CCDC102B: variants seen among roughly 807,000 people sequenced by gnomAD.
The protein encoded by CCDC102B is coiled-coil domain-containing protein 102B.
A neutral mutation model predicts 57.4 loss-of-function variants in CCDC102B; 75 were observed. The observed-to-expected ratio is 1.31, with a 90% CI of 1.08 to 1.58. CCDC102B has a LOEUF of 1.58. Ranked by LOEUF, CCDC102B falls within the 40% of genes most tolerant of loss-of-function variation. The pLI, the probability that CCDC102B is intolerant of heterozygous loss-of-function variation, is 0.00. For synonymous variants in CCDC102B, 206 were observed against 201.9 expected (o/e 1.02, Z -0.17); for missense variants, 636 against 582.6 (o/e 1.09, Z -0.94).
chr18:68,823,113 C>T (rs1313727239), intron 1 of CCDC102B, among the ~76,000 whole-genome samples: 2 of 152,168 alleles, frequency 1.3e-5, no homozygotes, highest in Non-Finnish European at 2.9e-5. Context: ...TGGGCCAAGC[C>T]TCCACTTCAG....
chr18:68,786,623 CTGTT>C (rs2035222914), intron 2 of CCDC102B, among the ~76,000 whole-genome samples: 1 of 139,178 alleles, frequency 7.2e-6, no homozygotes, highest in Non-Finnish European at 1.5e-5. Flanking sequence ...ATTTGGCTCT[CTGTT>C]TGTCTGTTAT....
At chr18:68,751,212 C>T (rs972492688) in intron 2 of CCDC102B, among the ~76,000 whole-genome samples, 1 of 152,028 alleles carries the variant, frequency 6.6e-6, no homozygotes, top group Non-Finnish European at 1.5e-5. Context: ...AATACTGAAC[C>T]ATTGTTCCTA....
At chr18:68,771,417 G>A (rs1476245495) in intron 2 of CCDC102B, among the ~76,000 whole-genome samples, 1 of 152,188 alleles carries the variant, frequency 6.6e-6, no homozygotes, top group African/African-American at 2.4e-5. Context: ...GGGACGTAGT[G>A]TGTCAGGGTG....
In CCDC102B at chr18:68,723,595, C is replaced by G. The variant is rs146574346; in HGVS notation, c.-67+7001C>G. On this transcript the variant is annotated intron_variant, in intron 2 of 3. Transcript: ENST00000578970. Reference sequence around the variant, plus strand: ...GGCCCCATGCAAGTCCGAAATCCAACAGGGCAGTCATTAAACCTTAAAGTT... The same window carrying G: ...GGCCCCATGCAAGTCCGAAATCCAAGAGGGCAGTCATTAAACCTTAAAGTT... Among the ~76,000 whole-genome samples the G allele has an allele frequency of 1.1e-4, 16 of 152,332 alleles. No individual in the cohort carries two copies. In the East Asian group the frequency reaches 3.1e-3, roughly 29 times the overall value.
chr18:68,722,740 G>A (rs953541504), intron 2 of CCDC102B, among the ~76,000 whole-genome samples: 2 of 152,106 alleles, frequency 1.3e-5, no homozygotes, highest in Admixed American at 6.5e-5. Flanking sequence ...AATACAAACT[G>A]CTTCTTCTCA....
At chr18:68,738,153 G>T (rs1021885076) in intron 2 of CCDC102B, among the ~76,000 whole-genome samples, 2 of 152,116 alleles carry the variant, frequency 1.3e-5, no homozygotes, top group Non-Finnish European at 2.9e-5. Context: ...CTTGCATGCT[G>T]TGGGAGGAGG....
chr18:69,027,944 A>T (rs1164355869), intron 7 of CCDC102B, among the ~76,000 whole-genome samples: 3 of 152,194 alleles, frequency 2.0e-5, no homozygotes, highest in Non-Finnish European at 4.4e-5. Flanking sequence ...CTGAGCCCTT[A>T]CTGTGTCCCA....
intron 6 of CCDC102B, among the ~76,000 whole-genome samples, chr18:68,994,888 G>A (rs2050980119): frequency 6.6e-6 from 1 of 152,210 alleles, no homozygotes; most frequent in African/African-American, 2.4e-5. Flanking sequence ...AATGTGGAAG[G>A]AACGTTGGAA....
chr18:68,901,482 AG>A (rs1349599212), intron 6 of CCDC102B, among the ~76,000 whole-genome samples: 1 of 152,128 alleles, frequency 6.6e-6, no homozygotes, highest in Non-Finnish European at 1.5e-5. Flanking sequence ...CATGGACAGA[AG>A]GGGGGCCAAG....
In CCDC102B at chr18:68,807,654, A is replaced by G. The variant is rs550473633; in HGVS notation, c.-16+9473A>G. ...CTTTTGAGAAATACAAACACTGAGTATTCACTTCCTGTTATTTTGACATTT... is the reference window on the plus strand; with the variant it reads ...CTTTTGAGAAATACAAACACTGAGTGTTCACTTCCTGTTATTTTGACATTT... On this transcript the variant is annotated intron_variant, in intron 1 of 7. Coordinates refer to ENST00000360242, the MANE Select transcript of CCDC102B (RefSeq NM_024781.3). Among the ~76,000 whole-genome samples the G allele has an allele frequency of 2.5e-4, 38 of 152,296 alleles. No homozygotes were observed. The South Asian group carries it at 4.3e-3, about 17-fold the overall frequency.
intron 2 of CCDC102B, among the ~76,000 whole-genome samples, chr18:68,788,887 T>G (rs368627815): frequency 9.3e-5 from 14 of 149,738 alleles, no homozygotes; most frequent in Middle Eastern, 3.5e-3. Flanking sequence ...GTTAGCTGGT[T>G]ATTTTGCTCG....
At chr18:69,051,904 ATGACAAGTG>A (rs2052715872) in intron 7 of CCDC102B, among the ~76,000 whole-genome samples, 4 of 151,342 alleles carry the variant, frequency 2.6e-5, no homozygotes, top group Non-Finnish European at 5.9e-5. Context: ...AAGAACATAA[ATGACAAGTG>A]TAAAACATGA....
chr18:68,790,491 G>A (rs954043162), intron 2 of CCDC102B, among the ~76,000 whole-genome samples: 2 of 152,244 alleles, frequency 1.3e-5, no homozygotes, highest in Non-Finnish European at 2.9e-5. Context: ...GACTCCGAGG[G>A]CGTAGGACCC....
chr18:68,726,035 G>C (rs2032578849), intron 2 of CCDC102B, among the ~76,000 whole-genome samples: 1 of 152,114 alleles, frequency 6.6e-6, no homozygotes, highest in Admixed American at 6.5e-5. Flanking sequence ...GTCCATTCAG[G>C]GTGATAGAAT....
chr18:68,837,289 T>C lies in CCDC102B; in HGVS notation c.526T>C (p.Leu176=), dbSNP rs1348491907. ...ESCEHTDQFQ[L]SSQMHESIRE... is the part of the protein sequence containing the mutation. ...CTGTGAACATACAGACCAATTTCAA[T>C]TGAGTTCACAAATGCATGAGTCTAT... The change falls in exon 2 of 8, where the codon TTG becomes CTG. Residue 176 remains leucine, a synonymous_variant. Coordinates refer to ENST00000360242, the MANE Select transcript of CCDC102B (RefSeq NM_024781.3). The C allele has an allele frequency of 6.2e-7, 1 of 1,614,078 alleles. No homozygotes were observed. The highest frequency in any genetic ancestry group is 8.5e-7 in the Non-Finnish European group (1 of 1,179,970).
At chr18:68,719,439 G>A (rs1025171372) in intron 2 of CCDC102B, among the ~76,000 whole-genome samples, 6 of 152,204 alleles carry the variant, frequency 3.9e-5, no homozygotes, top group Non-Finnish European at 7.3e-5. Context: ...AGTTAGTGAT[G>A]TAAGTCATGG....
At position 68,836,763 on chromosome 18, in the gene CCDC102B, T is replaced by C. The variant is rs746968891; in HGVS notation, c.-1T>C. On this transcript the variant is annotated 5_prime_UTR_variant, in exon 2 of 8. Coordinates refer to ENST00000360242, the MANE Select transcript of CCDC102B (RefSeq NM_024781.3). ...TCTTTTCTCAGGTCTTAAAAATAAA[T>C]ATGAATTTAGATTCCATACATCGAT... is the stretch of plus-strand genomic sequence containing the variant. 1 of 1,608,148 alleles carries C rather than the reference T, an allele frequency of 6.2e-7. No individual in the cohort carries two copies. The highest frequency in any genetic ancestry group is 1.7e-5 in the Admixed American group (1 of 59,474).
chr18:69,022,027 T>G (rs1343903451), intron 7 of CCDC102B, among the ~76,000 whole-genome samples: 1 of 152,140 alleles, frequency 6.6e-6, no homozygotes, highest in Non-Finnish European at 1.5e-5. Context: ...GCGAGGCTTA[T>G]TCTCAGCTAA....
intron 2 of CCDC102B, among the ~76,000 whole-genome samples, chr18:68,720,905 T>TC (rs1448114661): frequency 6.6e-6 from 1 of 152,096 alleles, no homozygotes. Context: ...GCCCCCTGTC[T>TC]CCACAATAAT....
Sources: gnomAD v4.1 joint callset for allele counts (sites outside exome capture counted in the v4.1 genomes callset) on GRCh38, gnomAD v4.1.1 for gene constraint, MANE v1.5 for transcripts, NCBI Gene and HGNC (gene_info 2026-07-23, HGNC 2026-07-21) for gene names.